The following SLC24A2 variants were observed in gnomAD, a reference collection of about 807,000 sequenced individuals.
The protein encoded by SLC24A2 is solute carrier family 24 member 2.
SLC24A2 carries 36 observed loss-of-function variants against 62.0 expected under a neutral mutation model. That is an observed-to-expected ratio of 0.58 (90% confidence interval 0.44 to 0.77). The LOEUF is 0.77. Ranked by LOEUF, SLC24A2 falls within the 30% of genes least tolerant of loss-of-function variation. SLC24A2 has a pLI of 0.00. For synonymous variants in SLC24A2, 358 were observed against 294.0 expected (o/e 1.22, Z -2.23); for missense variants, 846 against 817.9 (o/e 1.03, Z -0.42).
At chr9:19,586,328 A>T (rs1428898004) in intron 5 of SLC24A2, among the ~76,000 whole-genome samples, 1 of 152,166 alleles carries the variant, frequency 6.6e-6, no homozygotes, top group East Asian at 1.9e-4. Context: ...GGTCCTCACA[A>T]GTGTTTGTGA....
At chr9:20,267,639 C>T in the SLC24A2 span, among the ~76,000 whole-genome samples, 4 of 152,204 alleles carry the variant, frequency 2.6e-5, no homozygotes, top group Non-Finnish European at 5.9e-5. Flanking sequence ...TGCACATTCC[C>T]CAAGCCCAGC....
At chr9:20,117,165 G>A in the SLC24A2 span, among the ~76,000 whole-genome samples, 1 of 152,144 alleles carries the variant, frequency 6.6e-6, no homozygotes, top group Non-Finnish European at 1.5e-5. Flanking sequence ...GTAAGCAGGT[G>A]TGGTCAGACA....
the SLC24A2 span, among the ~76,000 whole-genome samples, chr9:20,040,109 G>C: frequency 6.6e-6 from 1 of 152,190 alleles, no homozygotes; most frequent in Non-Finnish European, 1.5e-5. Flanking sequence ...CAAGAACAAG[G>C]TATGTGCTCA....
chr9:20,124,202 G>A, the SLC24A2 span, among the ~76,000 whole-genome samples: 1 of 151,662 alleles, frequency 6.6e-6, no homozygotes, highest in Non-Finnish European at 1.5e-5. Flanking sequence ...ATCCTGTCTT[G>A]GCAAAGTGCC....
the SLC24A2 span, among the ~76,000 whole-genome samples, chr9:20,251,381 G>C: frequency 1.3e-5 from 2 of 151,588 alleles, no homozygotes; most frequent in Non-Finnish European, 2.9e-5. Flanking sequence ...TTTCAAACGA[G>C]TAAACTCAGA....
At chr9:20,134,941 T>A in the SLC24A2 span, among the ~76,000 whole-genome samples, 1 of 152,212 alleles carries the variant, frequency 6.6e-6, no homozygotes, top group African/African-American at 2.4e-5. Flanking sequence ...AAAATCTGTC[T>A]GCCTTTTGTA....
the SLC24A2 span, among the ~76,000 whole-genome samples, chr9:20,014,647 C>T: frequency 1.3e-5 from 2 of 152,012 alleles, no homozygotes; most frequent in Non-Finnish European, 2.9e-5. Context: ...ACAAGTACTG[C>T]ATGATCTCAC....
intron 2 of SLC24A2, among the ~76,000 whole-genome samples, chr9:19,669,593 G>A (rs1477549722): frequency 6.6e-6 from 1 of 152,140 alleles, no homozygotes; most frequent in Non-Finnish European, 1.5e-5. Context: ...TTGCCTTCAG[G>A]CTCTGGGGGA....
At chr9:20,122,220 G>C in the SLC24A2 span, among the ~76,000 whole-genome samples, 1 of 152,248 alleles carries the variant, frequency 6.6e-6, no homozygotes, top group African/African-American at 2.4e-5. Flanking sequence ...ATAAGGCCCT[G>C]TGCAAATGCA....
At chr9:19,988,916 T>G in the SLC24A2 span, among the ~76,000 whole-genome samples, 6 of 152,198 alleles carry the variant, frequency 3.9e-5, no homozygotes, top group African/African-American at 1.4e-4. Flanking sequence ...CATAGGCTTG[T>G]GCCACGCAAA....
the SLC24A2 span, among the ~76,000 whole-genome samples, chr9:20,119,847 T>C: frequency 1.3e-5 from 2 of 152,288 alleles, no homozygotes; most frequent in East Asian, 1.9e-4. Flanking sequence ...ATTGTTTACA[T>C]AGAAAATCCT....
chr9:20,083,872 G>A, the SLC24A2 span, among the ~76,000 whole-genome samples: 1 of 152,158 alleles, frequency 6.6e-6, no homozygotes, highest in African/African-American at 2.4e-5. Context: ...CCTACCAATT[G>A]ATGCACAGGA....
At chr9:20,002,312 A>G in the SLC24A2 span, among the ~76,000 whole-genome samples, 1 of 152,018 alleles carries the variant, frequency 6.6e-6, no homozygotes, top group African/African-American at 2.4e-5. Context: ...CTGCCATGTT[A>G]GAAAAATGAT....
At chr9:19,905,957 C>T in the SLC24A2 span, among the ~76,000 whole-genome samples, 1 of 152,312 alleles carries the variant, frequency 6.6e-6, no homozygotes, top group African/African-American at 2.4e-5. Flanking sequence ...GAATTGAACT[C>T]AGCTCTGCAC....
intron 2 of SLC24A2, among the ~76,000 whole-genome samples, chr9:19,666,039 G>A (rs1269988219): frequency 2.6e-5 from 4 of 152,196 alleles, no homozygotes; most frequent in Non-Finnish European, 4.4e-5. Context: ...ATAATCAGAG[G>A]TTAGCTTTTA....
chr9:19,958,367 C>T, the SLC24A2 span, among the ~76,000 whole-genome samples: 1 of 152,198 alleles, frequency 6.6e-6, no homozygotes. Context: ...TGCAAATTAG[C>T]AAGGCTTCCC....
At chr9:19,696,496 G>C (rs1174866833) in intron 2 of SLC24A2, among the ~76,000 whole-genome samples, 2 of 152,156 alleles carry the variant, frequency 1.3e-5, no homozygotes, top group African/African-American at 4.8e-5. Context: ...CTGAGTCTGG[G>C]AGGTTGGCAG....
At chr9:19,543,634 A>G (rs150481155) in intron 8 of SLC24A2, among the ~76,000 whole-genome samples, 1 of 152,174 alleles carries the variant, frequency 6.6e-6, no homozygotes, top group African/African-American at 2.4e-5. Flanking sequence ...TTGTGTTGTT[A>G]GTTCTCATTG....
intron 2 of SLC24A2, among the ~76,000 whole-genome samples, chr9:19,763,936 T>C (rs939983524): frequency 5.3e-5 from 8 of 152,228 alleles, no homozygotes; most frequent in Non-Finnish European, 7.3e-5. Flanking sequence ...TGAATCCATC[T>C]GGTCCCGGGC....
Sources: gnomAD v4.1 joint callset for allele counts (sites outside exome capture counted in the v4.1 genomes callset) on GRCh38, gnomAD v4.1.1 for gene constraint, MANE v1.5 for transcripts, NCBI Gene and HGNC (gene_info 2026-07-23, HGNC 2026-07-21) for gene names.